RCC2: variants seen among roughly 807,000 people sequenced by gnomAD.
The protein encoded by RCC2 is protein RCC2.
In RCC2, 19 loss-of-function variants were observed where a neutral mutation model predicts 64.1. The ratio of observed to expected loss-of-function variants is 0.30; its 90% CI spans 0.21 to 0.44. The LOEUF (loss-of-function observed/expected upper bound fraction) is 0.44, where lower values mean the gene tolerates loss of function less well. Among genes scored for constraint, RCC2 ranks in the 20% least tolerant of loss-of-function variants. The pLI, the probability that RCC2 is intolerant of heterozygous loss-of-function variation, is 1.00. For synonymous variants in RCC2, 325 were observed against 279.6 expected, an observed-to-expected ratio of 1.16 and a Z score of -1.62; for missense variants, 508 against 710.4, an observed-to-expected ratio of 0.72 and a Z score of 3.24.
intron 2 of RCC2, among the ~76,000 whole-genome samples, chr1:17,435,591 A>C (rs1308874744): frequency 6.6e-6 from 1 of 152,260 alleles, no homozygotes; most frequent in African/African-American, 2.4e-5. Flanking sequence ...AGGCCTATGG[A>C]AAGGCAATGG....
intron 3 of RCC2, among the ~76,000 whole-genome samples, chr1:17,427,596 A>G (rs1213827973): frequency 6.6e-6 from 1 of 152,200 alleles, no homozygotes; most frequent in Non-Finnish European, 1.5e-5. Context: ...ATGATTGACG[A>G]GTATCATCAC....
rs774903662 is a variant in RCC2, at chr1:17,420,844, A to G, written c.745-16T>C. ...TGTACATTATCTGAAAAGACAAGAA[A>G]GGAGACTTTCATTTTTTTTAAAGAC... is the stretch of plus-strand genomic sequence containing the variant. On this transcript the variant is annotated splice_polypyrimidine_tract_variant and intron_variant, in intron 6 of 12. Coordinates refer to ENST00000375436, the MANE Select transcript of RCC2 (RefSeq NM_018715.4). 69 of 1,541,986 alleles carry G rather than the reference A, an allele frequency of 4.5e-5. No individual in the cohort carries two copies. The highest frequency in any genetic ancestry group is 1.4e-5 in the African/African-American group (1 of 71,910).
At chr1:17,426,759 C>CTTTTTTTTTT (rs146347066) in intron 3 of RCC2, among the ~76,000 whole-genome samples, 9 of 109,998 alleles carry the variant, frequency 8.2e-5, no homozygotes, top group Non-Finnish European at 1.5e-4. Flanking sequence ...TCTTACTTTT[C>CTTTTTTTTTT]TTTTTTTTTT....
chr1:17,408,121 G>A lies in RCC2; in HGVS notation c.*969C>T, dbSNP rs1230751431. ...ACGGTACCCCGAGTCTCAGCAACAG[G>A]ACGGCCCGCGCGAGGCAGGATCCAG... On this transcript the variant is annotated 3_prime_UTR_variant, in exon 13 of 13. Coordinates refer to ENST00000375436, the MANE Select transcript of RCC2 (RefSeq NM_018715.4). The A allele has an allele frequency of 1.3e-5, 2 of 152,334 alleles. No homozygotes were observed. Among genetic ancestry groups the A allele is most frequent in the Non-Finnish European group, 1.5e-5 (1 of 68,138 alleles). The allele number at this position is 152,334 out of a possible 1,614,324, so 9.4% of individuals were successfully genotyped here. A position where few individuals can be genotyped will look rare whatever the true frequency, so the allele number is the denominator to read the frequency against.
Position 17,436,948 on chromosome 1 carries a change from C to T in RCC2, c.285+1282G>A, listed in dbSNP as rs2075741274. Among the ~76,000 whole-genome samples the T allele has an allele frequency of 2.6e-5, 4 of 152,280 alleles. No homozygotes were observed. The South Asian group carries it at 6.2e-4, about 24-fold the overall frequency. ...TGTCTAGTCTAGCCTGATCCAAGAC[C>T]CCGGGCAAGACCTTTTGACAGCTTT... On this transcript the variant is annotated intron_variant, in intron 2 of 12. Transcript: ENST00000375436.
At chr1:17,434,206 G>A (rs1351131886) in intron 2 of RCC2, among the ~76,000 whole-genome samples, 2 of 152,208 alleles carry the variant, frequency 1.3e-5, no homozygotes, top group African/African-American at 4.8e-5. Flanking sequence ...CTTTTTGTAT[G>A]CTAATGACTG....
At chr1:17,419,555 A>G (rs2075527215) in intron 7 of RCC2, among the ~76,000 whole-genome samples, 1 of 152,224 alleles carries the variant, frequency 6.6e-6, no homozygotes, top group Non-Finnish European at 1.5e-5. Context: ...TGTAGCTACA[A>G]ATCAAGCCGA....
intron 7 of RCC2, 38 bp from the exon 8 acceptor site, chr1:17,416,684 A>G (rs1353762329): frequency 6.3e-7 from 1 of 1,585,164 alleles, no homozygotes; most frequent in East Asian, 2.3e-5. Context: ...GCAGCAGCAC[A>G]AGCACAAGGG....
chr1:17,408,050 G>A lies in RCC2; in HGVS notation c.*1040C>T, dbSNP rs1233647493. 3 of 152,216 alleles carry A rather than the reference G, an allele frequency of 2.0e-5. No individual in the cohort carries two copies. Among genetic ancestry groups the A allele is most frequent in the Non-Finnish European group, 2.9e-5 (2 of 68,046 alleles). The allele number at this position is 152,216 out of a possible 1,614,324, so 9.4% of individuals were successfully genotyped here. A position where few individuals can be genotyped will look rare whatever the true frequency, so the allele number is the denominator to read the frequency against. ...ACTCTTCGGTAATCCCAACTATTTG[G>A]TACCAGAGCCAAGCAAACGTGACTA... is the stretch of plus-strand genomic sequence containing the variant. On this transcript the variant is annotated 3_prime_UTR_variant, in exon 13 of 13. Transcript: ENST00000375436.
chr1:17,414,834 A>G (rs572184122), intron 8 of RCC2, among the ~76,000 whole-genome samples: 134 of 152,114 alleles, frequency 8.8e-4, no homozygotes, highest in African/African-American at 3.0e-3. Flanking sequence ...GGGTCTCACC[A>G]TGTTGCTCAG....
At chr1:17,411,559 G>C (rs1233937414) in intron 11 of RCC2, among the ~76,000 whole-genome samples, 1 of 150,442 alleles carries the variant, frequency 6.6e-6, no homozygotes, top group Admixed American at 6.6e-5. Context: ...CTCCAGCCTG[G>C]GTGACAGAGA....
At chr1:17,409,600 G>C (rs1030381100) in intron 12 of RCC2, among the ~76,000 whole-genome samples, 23 of 152,224 alleles carry the variant, frequency 1.5e-4, no homozygotes, top group African/African-American at 5.3e-4. Context: ...GCCTCACCCC[G>C]CCATCTGACT....
In RCC2 at chr1:17,412,050, G is replaced by A; in HGVS notation, c.1386+72C>T. On this transcript the variant is annotated intron_variant, in intron 11 of 12. Coordinates refer to ENST00000375436, the MANE Select transcript of RCC2 (RefSeq NM_018715.4). ...TTCTGTGTGTTTTGGGAGACAGGTG[G>A]AGAGAACCCAAAGGCCATGAGCCAC... 3.0e-6 allele frequency: 4 copies of A among 1,330,740 alleles called. No individual in the cohort carries two copies. The East Asian group carries it at 9.2e-5, about 31-fold the overall frequency. 82.4% of individuals were successfully genotyped at this position (1,330,740 alleles called of 1,614,324 possible). A position where few individuals can be genotyped will look rare whatever the true frequency, so the allele number is the denominator to read the frequency against.
intron 6 of RCC2, among the ~76,000 whole-genome samples, chr1:17,421,452 G>A (rs566841224): frequency 2.3e-4 from 35 of 151,310 alleles, no homozygotes; most frequent in African/African-American, 4.9e-4. Flanking sequence ...CTGAGATCGC[G>A]CCACTGCACT....
At chr1:17,431,611 C>T (rs937117528) in intron 2 of RCC2, among the ~76,000 whole-genome samples, 3 of 150,994 alleles carry the variant, frequency 2.0e-5, no homozygotes, top group African/African-American at 4.9e-5. Context: ...TTTGGCAGTA[C>T]GGCTCACGCA....
Position 17,413,102 on chromosome 1 carries a change from G to C in RCC2, c.1284C>G (p.Cys428Trp). 1 of 1,613,992 alleles carries C rather than the reference G, an allele frequency of 6.2e-7. No homozygotes were observed. The highest frequency in any genetic ancestry group is 8.5e-7 in the Non-Finnish European group (1 of 1,179,950). ...AAGCCAGGCTCCGGATTCTCCAGCC[G>C]CAGAGGTCCTGCACTGCTTTTGGGT... ...TMYPKAVQDLCGWRIRSLACG... is the reference protein window; with the variant it reads ...TMYPKAVQDLWGWRIRSLACG... The change falls in exon 10 of 13, where the codon TGC becomes TGG. Residue 428 changes from cysteine (C) to tryptophan (W), a missense_variant. Physicochemically the swap from Cys to Trp is radical, Grantham distance 215. Around this residue, in one of 4 missense-constraint regions of RCC2, gnomAD observed 179 missense variants for 322.0 expected, o/e 0.56. Transcript: ENST00000375436.
At position 17,438,348 on chromosome 1, in the gene RCC2, C is replaced by T. The variant is rs1318943084; in HGVS notation, c.167G>A (p.Gly56Asp). The stretch of plus-strand genomic sequence containing the variant: ...GCCGGGGGCCCCGTCGAGCTCCAGG[C>T]CGTCCTCGTCGCCGCTGCTGCCGCC... ...SGGGSSGDED[G>D]LELDGAPGGG... The change falls in exon 2 of 13, where the codon GGC (glycine) becomes GAC (aspartate). Residue 56 changes from glycine (G) to aspartate (D), a missense_variant. Physicochemically the swap from Gly to Asp is moderately conservative, Grantham distance 94. Around this residue, in one of 4 missense-constraint regions of RCC2, gnomAD observed 195 missense variants for 158.3 expected, o/e 1.23. Transcript: ENST00000375436. The T allele has an allele frequency of 3.2e-6, 4 of 1,240,416 alleles. No individual in the cohort carries two copies. The highest frequency in any genetic ancestry group is 4.3e-5 in the Admixed American group (1 of 23,056). 76.8% of individuals were successfully genotyped at this position (1,240,416 alleles called of 1,614,324 possible).
chr1:17,412,382 G>A (rs907146690), intron 10 of RCC2, among the ~76,000 whole-genome samples, 188 bp from the exon 11 acceptor site: 16 of 152,214 alleles, frequency 1.1e-4, no homozygotes, highest in Non-Finnish European at 1.8e-4. Context: ...GCCACTCAAC[G>A]CTTCAACAAA....
intron 7 of RCC2, among the ~76,000 whole-genome samples, chr1:17,418,747 T>C (rs974949466): frequency 1.3e-5 from 2 of 152,212 alleles, no homozygotes; most frequent in Non-Finnish European, 2.9e-5. Flanking sequence ...GTAAATAGAA[T>C]GCATTTCCGG....
Sources: allele counts gnomAD v4.1 joint callset (sites outside exome capture counted in the v4.1 genomes callset), GRCh38; gene constraint gnomAD v4.1.1; regional missense constraint gnomAD v4.1.1; transcripts MANE v1.5; gene names NCBI Gene and HGNC (gene_info 2026-07-23, HGNC 2026-07-21).